The following CSMD3 variants were observed in gnomAD, a reference collection of about 807,000 sequenced individuals.
CSMD3 encodes CUB and sushi domain-containing protein 3.
Under a neutral mutation model 435.2 loss-of-function variants are expected in CSMD3, and 177 were observed. That is an observed-to-expected ratio of 0.41 (90% CI 0.36 to 0.46). The LOEUF is 0.46. Among genes scored for constraint, CSMD3 ranks in the 20% least tolerant of loss-of-function variants. CSMD3 has a pLI of 0.34. For synonymous variants in CSMD3, 1,656 were observed against 1,520.5 expected (o/e 1.09, Z -2.07); for missense variants, 4,265 against 4,504.6 (o/e 0.95, Z 1.52).
intron 20 of CSMD3, among the ~76,000 whole-genome samples, chr8:112,641,503 T>G (rs1383271182): frequency 1.3e-5 from 2 of 152,130 alleles, no homozygotes; most frequent in African/African-American, 2.4e-5. Context: ...GTAACTAATT[T>G]GTCAAAGGGG....
chr8:112,565,654 GATA>G (rs1339997432), intron 24 of CSMD3, among the ~76,000 whole-genome samples: 1 of 152,068 alleles, frequency 6.6e-6, no homozygotes, highest in Non-Finnish European at 1.5e-5. Flanking sequence ...GTGCAGAGGA[GATA>G]ATAAGAAAAC....
At chr8:113,312,030 C>A (rs564582563) in intron 2 of CSMD3, 173 of 151,932 alleles carry the variant, frequency 1.1e-3, no homozygotes, top group African/African-American at 4.1e-3. Flanking sequence ...ATTATTATTT[C>A]TCTTACTAAA....
intron 11 of CSMD3, among the ~76,000 whole-genome samples, chr8:112,849,392 T>C (rs1166786334): frequency 6.6e-6 from 1 of 152,066 alleles, no homozygotes; most frequent in Non-Finnish European, 1.5e-5. Flanking sequence ...CATTTTCAGC[T>C]TAGTTCTTTA....
intron 27 of CSMD3, among the ~76,000 whole-genome samples, chr8:112,524,156 A>G (rs1824604436): frequency 6.6e-6 from 1 of 151,890 alleles, no homozygotes; most frequent in Admixed American, 6.6e-5. Flanking sequence ...TTGGCATTGT[A>G]TCATATCATA....
intron 28 of CSMD3, among the ~76,000 whole-genome samples, chr8:112,514,397 A>T (rs1285370740): frequency 6.6e-6 from 1 of 152,168 alleles, no homozygotes; most frequent in Non-Finnish European, 1.5e-5. Flanking sequence ...AAGCATTCAA[A>T]ATATAAGTCA....
chr8:112,702,176 C>T (rs2131880750), intron 13 of CSMD3, among the ~76,000 whole-genome samples: 1 of 152,132 alleles, frequency 6.6e-6, no homozygotes, highest in Middle Eastern at 3.4e-3. Context: ...CTGACACAGC[C>T]CTATGAGGAC....
chr8:113,311,827 T>C (rs1272885295), intron 2 of CSMD3: 2 of 152,112 alleles, frequency 1.3e-5, no homozygotes, highest in African/African-American at 4.8e-5. Flanking sequence ...ATGTTTACAG[T>C]GAGCAAAACA....
chr8:113,009,249 C>A (rs1157826996), intron 6 of CSMD3, among the ~76,000 whole-genome samples: 1 of 151,536 alleles, frequency 6.6e-6, no homozygotes, highest in Non-Finnish European at 1.5e-5. Context: ...AGCCTTGCTA[C>A]CATGCAAACA....
In CSMD3 at chr8:113,098,764, A is replaced by G. The variant is rs1232733008; in HGVS notation, c.909T>C (p.Pro303=). 9.4e-6 allele frequency: 15 copies of G among 1,600,216 alleles called. No homozygotes were observed. The highest frequency in any genetic ancestry group is 1.7e-5 in the Admixed American group (1 of 59,848). ...DYLEIEGSEP[P]TIWLSGMNIP... Reference sequence around the variant, plus strand: ...AGAAGCTATTTACTTACCATATGGTAGGTGGCTCAGAACCTTCTATTTCTA... The same window carrying G: ...AGAAGCTATTTACTTACCATATGGTGGGTGGCTCAGAACCTTCTATTTCTA... The change falls in exon 5 of 71, where the codon CCT becomes CCC. Residue 303 remains proline, a synonymous_variant. Transcript: ENST00000297405.
rs551860214 is a variant in CSMD3 at position 113,054,554 on chromosome 8, A to G, written c.918-35375T>C. Among the ~76,000 whole-genome samples the G allele has an allele frequency of 3.1e-4, 47 of 152,260 alleles. 1 individual carries two copies. In the South Asian group the frequency reaches 9.3e-3, roughly 30 times the overall value. ...AAATTGCCCATATTCTTATCAAGACAAATTTCCTATTTGTTTGTCTATCAT... is the reference window on the plus strand; with the variant it reads ...AAATTGCCCATATTCTTATCAAGACGAATTTCCTATTTGTTTGTCTATCAT... On this transcript the variant is annotated intron_variant, in intron 5 of 70. Transcript: ENST00000297405.
chr8:113,064,517 C>T (rs528977869), intron 5 of CSMD3, among the ~76,000 whole-genome samples: 150 of 152,206 alleles, frequency 9.9e-4, no homozygotes, highest in African/African-American at 3.2e-3. Context: ...AGATCTACTT[C>T]ACTCTCCAAA....
At chr8:113,373,238 T>C (rs1366193176) in intron 1 of CSMD3, among the ~76,000 whole-genome samples, 1 of 152,098 alleles carries the variant, frequency 6.6e-6, no homozygotes, top group East Asian at 1.9e-4. Context: ...CCTGCTTCAA[T>C]CTGTACTCAA....
chr8:113,255,851 AAC>A (rs1424256491), intron 3 of CSMD3, among the ~76,000 whole-genome samples: 2 of 151,872 alleles, frequency 1.3e-5, no homozygotes, highest in Non-Finnish European at 2.9e-5. Context: ...TTTATAAATT[AAC>A]AGTGAACCGT....
Position 112,937,151 on chromosome 8 carries a change from A to G in CSMD3, c.1508+10639T>C, listed in dbSNP as rs1015545650. Among the ~76,000 whole-genome samples the G allele has an allele frequency of 2.6e-5, 4 of 152,074 alleles. No homozygotes were observed. In the South Asian group the frequency reaches 6.2e-4, roughly 24 times the overall value. ...ATAAGCCATATATTTTAAATGTCCT[A>G]TCAGTTTGGATAACATAGCTGGAGG... On this transcript the variant is annotated intron_variant, in intron 9 of 70. Transcript: ENST00000297405.
At chr8:113,334,229 C>T (rs1588538368) in intron 1 of CSMD3, among the ~76,000 whole-genome samples, 1 of 147,156 alleles carries the variant, frequency 6.8e-6, no homozygotes, top group East Asian at 2.0e-4. Flanking sequence ...TCAGGGGGTA[C>T]ATGTACTGTA....
chr8:113,421,362 C>A, intron 1 of CSMD3, among the ~76,000 whole-genome samples: 1 of 152,124 alleles, frequency 6.6e-6, no homozygotes, highest in East Asian at 1.9e-4. Flanking sequence ...TGCCTAATGA[C>A]TTTTCTTATG....
chr8:113,434,747 C>T (rs866452637), intron 1 of CSMD3, among the ~76,000 whole-genome samples: 25 of 152,186 alleles, frequency 1.6e-4, no homozygotes, highest in Admixed American at 1.5e-3. Context: ...TAAATTAACG[C>T]GCCTTTCCTT....
At chr8:112,853,657 A>G (rs752588253) in intron 11 of CSMD3, among the ~76,000 whole-genome samples, 10 of 152,214 alleles carry the variant, frequency 6.6e-5, no homozygotes, top group Non-Finnish European at 8.8e-5. Flanking sequence ...TTAAAAAAGG[A>G]TATCTGGATT....
At chr8:113,033,978 T>A (rs1564235194) in intron 5 of CSMD3, among the ~76,000 whole-genome samples, 1 of 151,480 alleles carries the variant, frequency 6.6e-6, no homozygotes, top group Non-Finnish European at 1.5e-5. Context: ...TCTCTCTATC[T>A]CCTGCCACCA....
Sources: gnomAD v4.1 joint callset for allele counts (sites outside exome capture counted in the v4.1 genomes callset) on GRCh38, gnomAD v4.1.1 for gene constraint, MANE v1.5 for transcripts, NCBI Gene and HGNC (gene_info 2026-07-23, HGNC 2026-07-21) for gene names.